MINDY3: variants seen among roughly 807,000 people sequenced by gnomAD.
The protein encoded by MINDY3 is MINDY lysine 48 deubiquitinase 3, also known as ubiquitin carboxyl-terminal hydrolase MINDY-3.
Under a neutral mutation model 69.2 loss-of-function variants are expected in MINDY3, and 38 were observed. The observed-to-expected ratio is 0.55, with a 90% CI of 0.42 to 0.72. MINDY3 has a LOEUF of 0.72. Among genes scored for constraint, MINDY3 ranks in the 30% least tolerant of loss-of-function variants. The pLI, the probability that MINDY3 is intolerant of heterozygous loss-of-function variation, is 0.00. For synonymous variants in MINDY3, 192 were observed against 180.1 expected, an observed-to-expected ratio of 1.07 and a Z score of -0.53; for missense variants, 522 against 519.0, an observed-to-expected ratio of 1.01 and a Z score of -0.06.
intron 8 of MINDY3, among the ~76,000 whole-genome samples, chr10:15,826,290 T>C (rs1385716646): frequency 6.6e-6 from 1 of 152,302 alleles, no homozygotes; most frequent in East Asian, 1.9e-4. Flanking sequence ...CTAGCCCCTG[T>C]GAAAGAGTGG....
Position 15,860,473 on chromosome 10 carries a change from G to A in MINDY3, c.-174C>T, listed in dbSNP as rs974484135. ...TGCAGAGACCAAGCCTGTCAAGCCA[G>A]GTTGGGGCAGCAGCGAGTTTTCCGT... On this transcript the variant is annotated 5_prime_UTR_variant, in exon 1 of 15. Coordinates refer to ENST00000277632, the MANE Select transcript of MINDY3 (RefSeq NM_024948.4). 4.6e-5 allele frequency: 29 copies of A among 627,544 alleles called. No homozygotes were observed. The highest frequency in any genetic ancestry group is 7.6e-5 in the Non-Finnish European group (27 of 356,860). The allele number at this position is 627,544 out of a possible 1,614,324, so 38.9% of individuals were successfully genotyped here. A position where few individuals can be genotyped will look rare whatever the true frequency, so the allele number is the denominator to read the frequency against.
intron 10 of MINDY3, among the ~76,000 whole-genome samples, chr10:15,799,701 C>T (rs1004934027): frequency 6.6e-6 from 1 of 151,994 alleles, no homozygotes; most frequent in African/African-American, 2.4e-5. Flanking sequence ...AAAAGGTGAA[C>T]AGGACTGAGA....
chr10:15,814,949 C>T lies in MINDY3; in HGVS notation c.882+1886G>A, dbSNP rs116639623. On this transcript the variant is annotated intron_variant, in intron 10 of 14. Coordinates refer to ENST00000277632, the MANE Select transcript of MINDY3 (RefSeq NM_024948.4). ...TATACCTTCTGTGAAATCTCTCCTACTGTTCTGACAACAAAATCATTTCTT... is the reference window on the plus strand; with the variant it reads ...TATACCTTCTGTGAAATCTCTCCTATTGTTCTGACAACAAAATCATTTCTT... Among the ~76,000 whole-genome samples the T allele has an allele frequency of 3.0e-3, 454 of 152,266 alleles. 3 individuals carry two copies. The highest frequency in any genetic ancestry group is 0.011 in the African/African-American group (440 of 41,544).
intron 10 of MINDY3, among the ~76,000 whole-genome samples, chr10:15,796,643 T>C (rs1434037751): frequency 1.3e-5 from 2 of 151,994 alleles, no homozygotes; most frequent in Non-Finnish European, 2.9e-5. Context: ...GAGATAGCAA[T>C]GCATTAAAAA....
At chr10:15,804,953 G>A (rs531918272) in intron 10 of MINDY3, among the ~76,000 whole-genome samples, 73 of 152,184 alleles carry the variant, frequency 4.8e-4, no homozygotes, top group African/African-American at 1.7e-3. Context: ...AATCTGTGTC[G>A]TATGGGCAGA....
At chr10:15,817,326 G>C (rs1243076649) in intron 9 of MINDY3, 1 of 154,624 alleles carries the variant, frequency 6.5e-6, no homozygotes, top group Non-Finnish European at 1.4e-5. Context: ...CAAATGAGTA[G>C]ATTTATGAAT....
chr10:15,817,083 T>C (rs908694600), intron 9 of MINDY3, 168 bp from the exon 10 acceptor site: 1 of 602,520 alleles, frequency 1.7e-6, no homozygotes, highest in Non-Finnish European at 2.9e-6. Flanking sequence ...AATGTAAAAA[T>C]GAGTGTTAGA....
chr10:15,778,877 GTTAT>G lies in MINDY3; in HGVS notation c.*111_*114del. The G allele has an allele frequency of 1.3e-6, 1 of 777,494 alleles. No individual in the cohort carries two copies. The highest frequency in any genetic ancestry group is 2.0e-6 in the Non-Finnish European group (1 of 504,006). The allele number at this position is 777,494 out of a possible 1,614,324, so 48.2% of individuals were successfully genotyped here. A position where few individuals can be genotyped will look rare whatever the true frequency, so the allele number is the denominator to read the frequency against. On this transcript the variant is annotated 3_prime_UTR_variant, in exon 15 of 15. Transcript: ENST00000277632. ...AAACACTGAAAATGTGTTTTTAATTGTTATTTACAGTTAATCAGTGATACCAGTG... is the reference window on the plus strand; with the variant it reads ...AAACACTGAAAATGTGTTTTTAATTGTTACAGTTAATCAGTGATACCAGTG...
intron 11 of MINDY3, among the ~76,000 whole-genome samples, chr10:15,790,318 A>C (rs1358360262): frequency 6.6e-6 from 1 of 152,148 alleles, no homozygotes; most frequent in Non-Finnish European, 1.5e-5. Flanking sequence ...TACCCATTTG[A>C]AGACAGATTG....
intron 13 of MINDY3, among the ~76,000 whole-genome samples, chr10:15,783,404 A>C (rs1836704428): frequency 6.6e-6 from 1 of 152,206 alleles, no homozygotes; most frequent in Non-Finnish European, 1.5e-5. Context: ...TTGGACAAGC[A>C]TGACTCATTT....
chr10:15,831,864 C>T (rs1479581347), intron 8 of MINDY3, among the ~76,000 whole-genome samples: 7 of 152,054 alleles, frequency 4.6e-5, no homozygotes, highest in South Asian at 4.2e-4. Context: ...CTAGTAGAGA[C>T]GGGGTTTCAC....
chr10:15,847,550 G>A (rs1833938757), intron 2 of MINDY3, among the ~76,000 whole-genome samples: 1 of 152,066 alleles, frequency 6.6e-6, no homozygotes, highest in Non-Finnish European at 1.5e-5. Flanking sequence ...TACCTATCTA[G>A]TGTATAACAT....
At chr10:15,841,275 AT>A in intron 4 of MINDY3, 150 bp downstream of exon 4, 1 of 623,826 alleles carries the variant, frequency 1.6e-6, no homozygotes. Flanking sequence ...TGATATGGAA[AT>A]AAAAAATAGT....
chr10:15,835,053 T>C (rs1353319591), intron 6 of MINDY3, among the ~76,000 whole-genome samples: 1 of 152,074 alleles, frequency 6.6e-6, no homozygotes, highest in African/African-American at 2.4e-5. Context: ...ATTAAATAAT[T>C]TGCGTTTTAA....
chr10:15,819,969 A>C (rs1839645130), intron 9 of MINDY3, among the ~76,000 whole-genome samples: 1 of 152,200 alleles, frequency 6.6e-6, no homozygotes, highest in Non-Finnish European at 1.5e-5. Context: ...ACGTCCATTC[A>C]TTCATTCAAC....
chr10:15,826,416 T>C (rs1035237024), intron 8 of MINDY3, among the ~76,000 whole-genome samples: 16 of 152,196 alleles, frequency 1.1e-4, no homozygotes, highest in African/African-American at 3.6e-4. Flanking sequence ...CAGGACCATA[T>C]AATCTATATA....
chr10:15,833,099 T>G (rs1832842171), intron 8 of MINDY3, among the ~76,000 whole-genome samples: 1 of 152,182 alleles, frequency 6.6e-6, no homozygotes, highest in African/African-American at 2.4e-5. Flanking sequence ...TGGGATCCAT[T>G]TCAATGTGCC....
At chr10:15,792,571 G>C (rs1837500653) in intron 11 of MINDY3, among the ~76,000 whole-genome samples, 1 of 152,034 alleles carries the variant, frequency 6.6e-6, no homozygotes, top group Non-Finnish European at 1.5e-5. Context: ...GGCAATTCTA[G>C]AGAATGCCTA....
At chr10:15,859,494 G>C (rs80202701) in intron 1 of MINDY3, among the ~76,000 whole-genome samples, 4,392 of 152,202 alleles carry the variant, frequency 0.029, 202 homozygotes, top group African/African-American at 0.1. Context: ...TACAGTGCAA[G>C]AATTCAATAA....
Sources: allele counts gnomAD v4.1 joint callset (sites outside exome capture counted in the v4.1 genomes callset), GRCh38; gene constraint gnomAD v4.1.1; transcripts MANE v1.5; gene names NCBI Gene and HGNC (gene_info 2026-07-23, HGNC 2026-07-21).